NPHP1: variants seen among roughly 807,000 people sequenced by gnomAD.
The protein encoded by NPHP1 is nephrocystin 1, also known as nephrocystin-1.
NPHP1 carries 70 observed loss-of-function variants against 90.4 expected under a neutral mutation model. That is an observed-to-expected ratio of 0.77 (90% CI 0.64 to 0.95). NPHP1 has a LOEUF of 0.95. Ranked by LOEUF, NPHP1 falls within the 40% of genes least tolerant of loss-of-function variation. NPHP1 has a pLI of 0.00. For missense variants in NPHP1, 764 were observed against 795.9 expected (o/e 0.96, Z 0.48); for synonymous variants, 256 against 271.7 (o/e 0.94, Z 0.57).
intron 2 of NPHP1, among the ~76,000 whole-genome samples, chr2:110,191,186 A>C (rs1684704866): frequency 6.6e-6 from 1 of 152,136 alleles, no homozygotes. Flanking sequence ...TGGGTGCAGC[A>C]CACCGAGCAT....
At chr2:110,162,334 T>C (rs776954065) in intron 9 of NPHP1, among the ~76,000 whole-genome samples, 4 of 151,666 alleles carry the variant, frequency 2.6e-5, no homozygotes, top group African/African-American at 4.8e-5. Flanking sequence ...TGAATGGGAG[T>C]AAGGGAAACC....
chr2:110,126,421 C>G (rs1348887495), intron 18 of NPHP1: 1 of 152,208 alleles, frequency 6.6e-6, no homozygotes, highest in Admixed American at 6.5e-5. Context: ...CATATGGCAC[C>G]AATAAAGAGA....
chr2:110,180,743 C>T (rs189872118), intron 2 of NPHP1, among the ~76,000 whole-genome samples: 4 of 152,120 alleles, frequency 2.6e-5, no homozygotes. Context: ...GAACCCCCAT[C>T]CCCAACCAAG....
At chr2:110,198,351 ATAT>A (rs1370873994) in intron 2 of NPHP1, among the ~76,000 whole-genome samples, 1 of 152,214 alleles carries the variant, frequency 6.6e-6, no homozygotes, top group Non-Finnish European at 1.5e-5. Flanking sequence ...AAATTATCTA[ATAT>A]TATTGTGTTA....
intron 17 of NPHP1, among the ~76,000 whole-genome samples, chr2:110,129,784 G>A (rs532992701): frequency 6.6e-6 from 1 of 152,226 alleles, no homozygotes; most frequent in East Asian, 1.9e-4. Context: ...TGAGGATTCT[G>A]GCCATATGAC....
intron 2 of NPHP1, among the ~76,000 whole-genome samples, chr2:110,192,941 CAGACA>C (rs1684858077): frequency 2.0e-5 from 3 of 152,078 alleles, no homozygotes; most frequent in Admixed American, 2.0e-4. Context: ...AAATCCTTTA[CAGACA>C]AGCAGATGCT....
intron 2 of NPHP1, among the ~76,000 whole-genome samples, chr2:110,189,283 C>T (rs997468378): frequency 9.2e-5 from 14 of 152,080 alleles, no homozygotes; most frequent in African/African-American, 1.2e-4. Flanking sequence ...TTCTTAAAGG[C>T]GGCGTGTCCA....
chr2:110,148,720 T>C (rs1681248681), intron 12 of NPHP1, among the ~76,000 whole-genome samples: 1 of 152,190 alleles, frequency 6.6e-6, no homozygotes, highest in Non-Finnish European at 1.5e-5. Context: ...TAATAGTTTA[T>C]AGACATTATA....
At chr2:110,171,521 T>G (rs1322513805) in intron 4 of NPHP1, among the ~76,000 whole-genome samples, 2 of 152,116 alleles carry the variant, frequency 1.3e-5, no homozygotes, top group African/African-American at 4.8e-5. Flanking sequence ...ATCTAAAACA[T>G]AAACAGGGAT....
rs1404351082 is a variant in NPHP1, at chr2:110,161,635, T to C, written c.922A>G (p.Arg308Gly). The C allele has an allele frequency of 2.5e-6, 4 of 1,612,356 alleles. No homozygotes were observed. Among genetic ancestry groups the C allele is most frequent in the Admixed American group, 3.3e-5 (2 of 60,016 alleles). ...TCTGTAGCATCCCACATCAGATCTC[T>C]GAAGGCCAGTTGTGAAGGCATGAGC... ...PELMPSQLAF[R>G]DLMWDATEGT... The change falls in exon 10 of 20, where the codon AGA (arginine) becomes GGA (glycine). Residue 308 changes from arginine (R) to glycine (G), a missense_variant. Arg to Gly is a moderately radical substitution (Grantham distance 125, BLOSUM62 -2). Transcript: ENST00000445609.
chr2:110,181,909 C>G lies in NPHP1; in HGVS notation c.144-2225G>C, dbSNP rs555846087. Among the ~76,000 whole-genome samples, 5 of 152,238 alleles carry G rather than the reference C, an allele frequency of 3.3e-5. No individual in the cohort carries two copies. The East Asian group carries it at 9.7e-4, about 29-fold the overall frequency. ...GAATCATGATAAACCAATACAGGAG[C>G]TGATAGCCAGAACAGCCAATTAAGA... On this transcript the variant is annotated intron_variant, in intron 2 of 19. Transcript: ENST00000445609.
chr2:110,196,143 A>C (rs1206452832), intron 2 of NPHP1, among the ~76,000 whole-genome samples: 2 of 152,024 alleles, frequency 1.3e-5, no homozygotes, highest in Non-Finnish European at 2.9e-5. Flanking sequence ...CAAAAGCCAA[A>C]ATTGACAAAT....
intron 2 of NPHP1, among the ~76,000 whole-genome samples, chr2:110,182,959 G>A (rs971652795): frequency 6.6e-6 from 1 of 151,926 alleles, no homozygotes; most frequent in African/African-American, 2.4e-5. Context: ...AATTTACCAA[G>A]CAAATGGAAA....
chr2:110,143,977 G>C, intron 15 of NPHP1: 1 of 348,484 alleles, frequency 2.9e-6, no homozygotes, highest in Non-Finnish European at 5.4e-6. Context: ...GGCATGTCTT[G>C]AATCACCAAA....
chr2:110,178,039 T>A (rs1683624274), intron 4 of NPHP1: 2 of 258,838 alleles, frequency 7.7e-6, no homozygotes, highest in Non-Finnish European at 1.5e-5. Context: ...CCACACTCAG[T>A]CTTTGCTTCA....
At chr2:110,164,400 G>C in intron 8 of NPHP1, 1 of 707,448 alleles carries the variant, frequency 1.4e-6, no homozygotes, top group Non-Finnish European at 2.5e-6. Flanking sequence ...TTTAACATCT[G>C]TTTCCACTCA....
chr2:110,152,966 T>C (rs1681605453), intron 11 of NPHP1, among the ~76,000 whole-genome samples: 1 of 151,852 alleles, frequency 6.6e-6, no homozygotes, highest in Non-Finnish European at 1.5e-5. Flanking sequence ...TTGAAGAAGC[T>C]GAGCAAACCC....
At chr2:110,132,963 CAAAGAA>C (rs1679899477) in intron 16 of NPHP1, among the ~76,000 whole-genome samples, 1 of 151,502 alleles carries the variant, frequency 6.6e-6, no homozygotes, top group Non-Finnish European at 1.5e-5. Flanking sequence ...AAATCAAACA[CAAAGAA>C]AATCAGTGAG....
intron 18 of NPHP1, chr2:110,128,955 G>T: frequency 1.8e-6 from 1 of 557,212 alleles, no homozygotes; most frequent in Non-Finnish European, 3.2e-6. Flanking sequence ...GGCAAAGATT[G>T]CAATAGTGTA....
Sources: gnomAD v4.1 joint callset for allele counts (sites outside exome capture counted in the v4.1 genomes callset) on GRCh38, gnomAD v4.1.1 for gene constraint, MANE v1.5 for transcripts, NCBI Gene and HGNC (gene_info 2026-07-23, HGNC 2026-07-21) for gene names.